Variants in SLC66A2 observed in about 807,000 individuals in gnomAD.
The protein encoded by SLC66A2 is PQ loop repeat containing 1.
Under a neutral mutation model 25.5 loss-of-function variants are expected in SLC66A2, and 23 were observed. The ratio of observed to expected loss-of-function variants is 0.90; its 90% CI spans 0.65 to 1.28. SLC66A2 has a LOEUF of 1.28. SLC66A2 is among the 50% of genes most tolerant of loss of function. SLC66A2 has a pLI of 0.00. For synonymous variants in SLC66A2, 193 were observed against 166.5 expected, an observed-to-expected ratio of 1.16 and a Z score of -1.23; for missense variants, 396 against 373.1, an observed-to-expected ratio of 1.06 and a Z score of -0.51.
At chr18:79,939,619 G>C (rs778906952) in intron 3 of SLC66A2, among the ~76,000 whole-genome samples, 2 of 152,012 alleles carry the variant, frequency 1.3e-5, no homozygotes, top group Non-Finnish European at 2.9e-5. Flanking sequence ...GCCAACAAGC[G>C]TATGAAAAAA....
chr18:79,912,080 G>A (rs918024855), intron 5 of SLC66A2, among the ~76,000 whole-genome samples: 9 of 139,888 alleles, frequency 6.4e-5, no homozygotes, highest in Non-Finnish European at 9.3e-5. Flanking sequence ...CAGCAGGGAG[G>A]GGACAAGAGC....
At chr18:79,921,964 A>G (rs558773283) in intron 4 of SLC66A2, among the ~76,000 whole-genome samples, 1 of 151,642 alleles carries the variant, frequency 6.6e-6, no homozygotes, top group East Asian at 2.0e-4. Context: ...TCAGAGGAGG[A>G]GAGACGGGAA....
chr18:79,922,105 T>C (rs972849966), intron 4 of SLC66A2, among the ~76,000 whole-genome samples: 1 of 151,738 alleles, frequency 6.6e-6, no homozygotes, highest in African/African-American at 2.4e-5. Context: ...TTCTTGATCA[T>C]GCCCCCCTGA....
chr18:79,933,370 G>T (rs60630443), intron 4 of SLC66A2, among the ~76,000 whole-genome samples: 1 of 152,168 alleles, frequency 6.6e-6, no homozygotes, highest in Non-Finnish European at 1.5e-5. Context: ...TCACTAAAAT[G>T]AAGAATAAGA....
At chr18:79,947,815 G>T (rs1209152311) in intron 2 of SLC66A2, among the ~76,000 whole-genome samples, 1 of 148,954 alleles carries the variant, frequency 6.7e-6, no homozygotes, top group Non-Finnish European at 1.5e-5. Context: ...CCTGGAGAGG[G>T]GAAGCCAGGA....
In SLC66A2 at chr18:79,945,786, G is replaced by A. The variant is rs147190403; in HGVS notation, c.204-2324C>T. Among the ~76,000 whole-genome samples the A allele has an allele frequency of 9.2e-5, 14 of 152,336 alleles. No individual in the cohort carries two copies. In the East Asian group the frequency reaches 1.2e-3, roughly 13 times the overall value. ...CCTCAGCCTCTGCACTATAAAGCAC[G>A]ATCGCAACCCCCAAGGCTGGAGGAT... On this transcript the variant is annotated intron_variant, in intron 2 of 5. Transcript: ENST00000397778.
intron 2 of SLC66A2, among the ~76,000 whole-genome samples, chr18:79,946,509 G>A (rs1235811077): frequency 6.6e-6 from 1 of 152,252 alleles, no homozygotes; most frequent in Non-Finnish European, 1.5e-5. Context: ...CACCTGTGTG[G>A]TGCAGGAGCC....
chr18:79,936,499 C>T (rs1987100955), intron 3 of SLC66A2, among the ~76,000 whole-genome samples: 1 of 152,132 alleles, frequency 6.6e-6, no homozygotes, highest in South Asian at 2.1e-4. Context: ...TTCAGCACCC[C>T]AAAAAGAAAC....
intron 4 of SLC66A2, chr18:79,930,219 A>ATTGGGGTT (rs1986424879): frequency 1.3e-5 from 2 of 152,248 alleles, no homozygotes; most frequent in Admixed American, 6.5e-5. Flanking sequence ...AAAATAATTT[A>ATTGGGGTT]TCACTTACAA....
chr18:79,943,341 G>A lies in SLC66A2; in HGVS notation c.325C>T (p.Arg109Cys), dbSNP rs116195130. ...RVANELNARR[R>C]SFTAADSKDE... ...GCCGGCCACCAACCTGTAAAGGAGCGGCGCCTGGCGTTGAGCTCGTTGGCC... is the reference window on the plus strand; with the variant it reads ...GCCGGCCACCAACCTGTAAAGGAGCAGCGCCTGGCGTTGAGCTCGTTGGCC... The change falls in exon 3 of 6, where the codon CGC becomes TGC. Residue 109 changes from arginine (R) to cysteine (C), a missense_variant. Coordinates refer to ENST00000397778, the MANE Select transcript of SLC66A2 (RefSeq NM_025078.5). 1,360 of 1,614,110 alleles carry A rather than the reference G, an allele frequency of 8.4e-4. 12 individuals are homozygous for A. In the Admixed American group the frequency reaches 0.012, roughly 14 times the overall value.
At chr18:79,939,902 A>G (rs1280629198) in intron 3 of SLC66A2, among the ~76,000 whole-genome samples, 1 of 152,242 alleles carries the variant, frequency 6.6e-6, no homozygotes, top group African/African-American at 2.4e-5. Flanking sequence ...GCTCTACTAT[A>G]GACACATGCA....
chr18:79,951,167 GC>G (rs1253262709), intron 1 of SLC66A2, 142 bp from the exon 2 acceptor site: 8 of 217,876 alleles, frequency 3.7e-5, no homozygotes, highest in Non-Finnish European at 6.2e-5. Context: ...AGCGGCCCCT[GC>G]CTGGGACGGG....
In SLC66A2 at chr18:79,940,617, G is replaced by A. The variant is rs959405564; in HGVS notation, c.337+2712C>T. On this transcript the variant is annotated intron_variant, in intron 3 of 5. Transcript: ENST00000397778. The surrounding 1 kb of genome is among the most constrained non-coding windows in gnomAD (Gnocchi z 4.1). ...GTGCTGCAGGAGCTACCGATCGGGC[G>A]GCCAGAAGCCAGAGCTTTCAGTCTG... 2.6e-5 allele frequency among the ~76,000 whole-genome samples: 4 copies of A among 152,096 alleles called. No individual in the cohort carries two copies. The highest frequency in any genetic ancestry group is 5.9e-5 in the Non-Finnish European group (4 of 68,012).
At chr18:79,951,245 G>T (rs1306565113) in intron 1 of SLC66A2, among the ~76,000 whole-genome samples, 1 of 151,748 alleles carries the variant, frequency 6.6e-6, no homozygotes, top group Admixed American at 6.6e-5. Context: ...CCGGGGTCGA[G>T]GACGGGCGAA....
rs1269097360 is a variant in SLC66A2, at chr18:79,917,919, C to T, written c.608+1265G>A. ...GCCCCACACCTCTACCTACAGCCCA[C>T]ACCGGAACTCCATACCCCACACCCC... is the stretch of plus-strand genomic sequence containing the variant. On this transcript the variant is annotated intron_variant, in intron 5 of 5. Transcript: ENST00000397778. This position sits in a 1 kb window ranked among gnomAD's most constrained non-coding sequence, Gnocchi z 6.0. Among the ~76,000 whole-genome samples, 2 of 151,834 alleles carry T rather than the reference C, an allele frequency of 1.3e-5. No individual in the cohort carries two copies. Among genetic ancestry groups the T allele is most frequent in the Non-Finnish European group, 2.9e-5 (2 of 67,928 alleles).
chr18:79,938,168 G>A (rs1314055765), intron 3 of SLC66A2, among the ~76,000 whole-genome samples: 2 of 151,126 alleles, frequency 1.3e-5, no homozygotes, highest in African/African-American at 4.9e-5. Context: ...AAGAAAGAAA[G>A]AAAAAAGAAA....
intron 5 of SLC66A2, among the ~76,000 whole-genome samples, chr18:79,905,605 ACCC>A (rs1430508001): frequency 6.6e-6 from 1 of 152,216 alleles, no homozygotes; most frequent in Non-Finnish European, 1.5e-5. Flanking sequence ...TTGCGCGGTG[ACCC>A]CGCCACCGGT....
In SLC66A2 at chr18:79,919,206, G is replaced by A. The variant is rs1454104114; in HGVS notation, c.586C>T (p.His196Tyr). ...GVPQLYRNHR[H>Y]QSTEGMSIKM... ...TACCTCATGCCCTCCGTGGACTGGT[G>A]GCGGTGGTTGCGGTAAAGCTGGGGC... The change falls in exon 5 of 6, where the codon CAC becomes TAC. Residue 196 changes from histidine (H) to tyrosine (Y), a missense_variant. Physicochemically the swap from His to Tyr is moderately conservative, Grantham distance 83 (BLOSUM62 2). Transcript: ENST00000397778. 1.9e-6 allele frequency: 3 copies of A among 1,613,050 alleles called. No homozygotes were observed. The highest frequency in any genetic ancestry group is 2.5e-6 in the Non-Finnish European group (3 of 1,180,016).
chr18:79,911,148 GT>G (rs1361643060), intron 5 of SLC66A2, among the ~76,000 whole-genome samples: 2 of 152,254 alleles, frequency 1.3e-5, no homozygotes, highest in East Asian at 3.9e-4. Context: ...GAAATCGGGG[GT>G]CGGGGCCACT....
Sources: gnomAD v4.1 joint callset for allele counts (sites outside exome capture counted in the v4.1 genomes callset) on GRCh38, gnomAD v4.1.1 for gene constraint, Gnocchi (gnomAD v3.1) non-coding constraint, MANE v1.5 for transcripts, NCBI Gene and HGNC (gene_info 2026-07-23, HGNC 2026-07-21) for gene names.